ESRRB: variants seen among roughly 807,000 people sequenced by gnomAD.
The protein encoded by ESRRB is estrogen related receptor beta.
A neutral mutation model predicts 46.0 loss-of-function variants in ESRRB; 16 were observed. The ratio of observed to expected loss-of-function variants is 0.35; its 90% CI spans 0.24 to 0.53. The LOEUF (loss-of-function observed/expected upper bound fraction) is 0.53, where lower values mean the gene tolerates loss of function less well. Ranked by LOEUF, ESRRB falls within the 20% of genes least tolerant of loss-of-function variation. The pLI is 0.93. For missense variants in ESRRB, 488 were observed against 607.4 expected (o/e 0.80, Z 2.07); for synonymous variants, 246 against 259.6 (o/e 0.95, Z 0.50).
At chr14:76,386,713 C>T (rs980070449) in intron 1 of ESRRB, among the ~76,000 whole-genome samples, 5 of 152,114 alleles carry the variant, frequency 3.3e-5, no homozygotes, top group Non-Finnish European at 5.9e-5. Flanking sequence ...CTGCCTGCCT[C>T]TGCCTCCAAA....
intron 1 of ESRRB, among the ~76,000 whole-genome samples, chr14:76,364,171 A>G (rs911177071): frequency 6.6e-6 from 1 of 152,300 alleles, no homozygotes; most frequent in Admixed American, 6.5e-5. Context: ...TGAAAATGCT[A>G]TGGTTTTTAC....
rs112108738 is a variant in ESRRB, at chr14:76,364,790, C to T, written c.2+53874C>T. ...GGGGGCAGGAAGAGACAAAGAATAACTGGGGTAAAGGAAGGGTAGCAGGAC... is the reference window on the plus strand; with the variant it reads ...GGGGGCAGGAAGAGACAAAGAATAATTGGGGTAAAGGAAGGGTAGCAGGAC... On this transcript the variant is annotated intron_variant, in intron 1 of 6. Coordinates refer to the ESRRB transcript ENST00000512784. Among the ~76,000 whole-genome samples, 1,022 of 151,850 alleles carry T rather than the reference C, an allele frequency of 6.7e-3. 8 individuals are homozygous for T. The highest frequency in any genetic ancestry group is 8.2e-3 in the Non-Finnish European group (559 of 67,968).
chr14:76,490,428 T>C (rs1186571476), intron 5 of ESRRB, among the ~76,000 whole-genome samples: 2 of 151,512 alleles, frequency 1.3e-5, no homozygotes, highest in Non-Finnish European at 2.9e-5. Context: ...CATCTCATCA[T>C]TAGTAATAAT....
Position 76,491,573 on chromosome 14 carries a change from A to T in ESRRB, c.977A>T (p.Tyr326Phe). The T allele has an allele frequency of 6.3e-7, 1 of 1,592,222 alleles. No homozygotes were observed. The highest frequency in any genetic ancestry group is 1.1e-5 in the South Asian group (1 of 87,622). Residue 326 changes from tyrosine (Y) to phenylalanine (F), a missense_variant, in exon 6 of 7, where the codon TAC becomes TTC. Tyr to Phe is a conservative substitution (Grantham distance 22, BLOSUM62 3). Coordinates refer to ENST00000644823, the MANE Select transcript of ESRRB (RefSeq NM_001379180.1). ...YDDKLVYAED[Y>F]IMDEEHSRLA... ...GACAAGCTGGTGTACGCTGAGGACT[A>T]CATCATGGATGAGGAGCACTCCCGC...
At chr14:76,498,186 C>T in intron 6 of ESRRB, 28 bp from the exon 7 acceptor site, 1 of 1,613,354 alleles carries the variant, frequency 6.2e-7, no homozygotes, top group Non-Finnish European at 8.5e-7. Flanking sequence ...CTGGCCAAGC[C>T]TGCTAATGCT....
intron 1 of ESRRB, among the ~76,000 whole-genome samples, chr14:76,332,532 A>G (rs1486063610): frequency 1.1e-5 from 1 of 94,366 alleles, no homozygotes; most frequent in Non-Finnish European, 2.0e-5. Flanking sequence ...ATAAATATAT[A>G]CAATATAATA....
upstream of ESRRB, among the ~76,000 whole-genome samples, chr14:76,370,398 C>CA (rs373951946): frequency 1.1e-3 from 146 of 132,794 alleles, no homozygotes; most frequent in Admixed American, 1.4e-3. Context: ...AACTCTGTCT[C>CA]AAAAAAAAAA....
intron 1 of ESRRB, among the ~76,000 whole-genome samples, chr14:76,387,288 ATTG>A (rs1885271350): frequency 6.6e-6 from 1 of 152,146 alleles, no homozygotes; most frequent in Non-Finnish European, 1.5e-5. Flanking sequence ...AAACACAACC[ATTG>A]TTTTAAGCCT....
chr14:76,320,382 CT>C (rs1410444837), intron 1 of ESRRB, among the ~76,000 whole-genome samples: 5 of 152,226 alleles, frequency 3.3e-5, no homozygotes, highest in African/African-American at 1.2e-4. Context: ...TCTGTTTCTT[CT>C]TCTGTAAAAG....
At chr14:76,440,743 C>T (rs573405730) in intron 2 of ESRRB, among the ~76,000 whole-genome samples, 34 of 150,614 alleles carry the variant, frequency 2.3e-4, no homozygotes, top group Non-Finnish European at 4.3e-4. Context: ...CTCTCTCTTT[C>T]GATGAGAGTC....
intron 3 of ESRRB, among the ~76,000 whole-genome samples, chr14:76,469,140 C>G (rs1889251856): frequency 6.6e-6 from 1 of 152,008 alleles, no homozygotes; most frequent in African/African-American, 2.4e-5. Flanking sequence ...GTTGCCCTGG[C>G]TGGACTGCAG....
intron 1 of ESRRB, among the ~76,000 whole-genome samples, chr14:76,326,293 G>A (rs954745135): frequency 3.9e-5 from 6 of 152,200 alleles, no homozygotes; most frequent in African/African-American, 1.4e-4. Flanking sequence ...CTGAAGTGAA[G>A]GAACCTACAC....
intron 1 of ESRRB, among the ~76,000 whole-genome samples, chr14:76,426,650 C>G (rs59981199): frequency 0.032 from 4,808 of 152,240 alleles, 185 homozygotes; most frequent in East Asian, 0.19. Flanking sequence ...GGTATTGTCT[C>G]TCCTTGAGGA....
intron 1 of ESRRB, among the ~76,000 whole-genome samples, chr14:76,317,115 G>C (rs1883809957): frequency 1.3e-5 from 2 of 152,146 alleles, no homozygotes; most frequent in East Asian, 3.9e-4. Flanking sequence ...TTTGGGTACG[G>C]GATTCTTCCC....
At position 76,482,231 on chromosome 14, in the gene ESRRB, T is replaced by A. The variant is rs1362154813; in HGVS notation, c.688+105T>A. 1.6e-5 allele frequency: 14 copies of A among 880,594 alleles called. No individual in the cohort carries two copies. Among genetic ancestry groups the A allele is most frequent in the Non-Finnish European group, 2.4e-5 (13 of 537,872 alleles). 54.5% of individuals were successfully genotyped at this position (880,594 alleles called of 1,614,324 possible). ...TTCCCACCACTGGGTCATGAGACAA[T>A]GTGGATCTTGGGGAGGTGACATCAG... is the stretch of plus-strand genomic sequence containing the variant. On this transcript the variant is annotated intron_variant, in intron 4 of 6. Coordinates refer to ENST00000644823, the MANE Select transcript of ESRRB (RefSeq NM_001379180.1). The surrounding 1 kb of genome is among the most constrained non-coding windows in gnomAD (Gnocchi z 4.3).
chr14:76,498,644 G>GGGGGGGGT lies in ESRRB; in HGVS notation c.*186_*187insGGGGGGGT. The GGGGGGGGT allele has an allele frequency of 2.2e-6, 1 of 462,804 alleles. No individual in the cohort carries two copies. Among genetic ancestry groups the GGGGGGGGT allele is most frequent in the Non-Finnish European group, 4.2e-6 (1 of 240,394 alleles). 28.7% of individuals were successfully genotyped at this position (462,804 alleles called of 1,614,324 possible). On this transcript the variant is annotated 3_prime_UTR_variant, in exon 7 of 7. Coordinates refer to ENST00000644823, the MANE Select transcript of ESRRB (RefSeq NM_001379180.1). ...CGGGTGCAGTGGGGTGGGGGACGGG[G>GGGGGGGGT]ATGGGGGGGCAGGGGTGTGGGGCTC...
At chr14:76,424,610 C>T (rs1439814502) in intron 1 of ESRRB, among the ~76,000 whole-genome samples, 1 of 152,288 alleles carries the variant, frequency 6.6e-6, no homozygotes, top group African/African-American at 2.4e-5. Flanking sequence ...GCACCTTAAA[C>T]GCTGATTCCA....
chr14:76,378,004 AG>A (rs2139793171), intron 1 of ESRRB, among the ~76,000 whole-genome samples: 1 of 127,416 alleles, frequency 7.8e-6, no homozygotes, highest in East Asian at 2.7e-4. Flanking sequence ...TTCCTTTTAA[AG>A]GTTAGATTCT....
At chr14:76,405,863 G>A (rs1886164631) in intron 1 of ESRRB, among the ~76,000 whole-genome samples, 1 of 152,032 alleles carries the variant, frequency 6.6e-6, no homozygotes, top group South Asian at 2.1e-4. Flanking sequence ...AGGTTACAGT[G>A]AGCTATGATT....
Sources: allele counts gnomAD v4.1 joint callset (sites outside exome capture counted in the v4.1 genomes callset), GRCh38; gene constraint gnomAD v4.1.1; non-coding constraint Gnocchi (gnomAD v3.1); transcripts MANE v1.5; gene names NCBI Gene and HGNC (gene_info 2026-07-23, HGNC 2026-07-21).